Variants in TAP1 observed in about 807,000 individuals in gnomAD.
The protein encoded by TAP1 is transporter 1, ATP binding cassette subfamily B member, also known as antigen peptide transporter 1.
Under a neutral mutation model 79.3 loss-of-function variants are expected in TAP1, and 56 were observed. The ratio of observed to expected loss-of-function variants is 0.71; its 90% CI spans 0.57 to 0.88. The LOEUF (loss-of-function observed/expected upper bound fraction) is 0.88, where lower values mean the gene tolerates loss of function less well. Ranked by LOEUF, TAP1 falls within the 40% of genes least tolerant of loss-of-function variation. The pLI, the probability that TAP1 is intolerant of heterozygous loss-of-function variation, is 0.00. For missense variants in TAP1, 737 were observed against 936.3 expected (o/e 0.79, Z 2.78); for synonymous variants, 355 against 401.4 (o/e 0.88, Z 1.38).
In TAP1 at chr6:32,852,157, CA is replaced by C; in HGVS notation, c.795del (p.Phe265LeufsTer24). 6.2e-7 allele frequency: 1 copy of C among 1,613,022 alleles called. No individual in the cohort carries two copies. The highest frequency in any genetic ancestry group is 8.5e-7 in the Non-Finnish European group (1 of 1,180,018). On this transcript the variant is annotated frameshift_variant, in exon 3 of 11. Transcript: ENST00000354258. LOFTEE classifies it high-confidence loss of function. This position sits in a 1 kb window ranked among gnomAD's most constrained non-coding sequence, Gnocchi z 4.8. Reference sequence around the variant, plus strand: ...TCCGTCTCCTGGCGCAGGACAGCCCCAAACACCTCTCCCTGCAAGTGGCTGT... The same window carrying C: ...TCCGTCTCCTGGCGCAGGACAGCCCCAACACCTCTCCCTGCAAGTGGCTGT... ...HVHSHLQGEV[F>X]GAVLRQETEF...
chr6:32,850,991 G>C lies in TAP1; in HGVS notation c.1003C>G (p.Leu335Val). 1.9e-6 allele frequency: 3 copies of C among 1,612,880 alleles called. No homozygotes were observed. The South Asian group carries it at 3.3e-5, about 18-fold the overall frequency. ...TTGGGCAGAAGGAAAAGCAGAGGCA[G>C]GGTGATCAGGGTGACCATGGTGAGG... ...VSLTMVTLIT[L>V]PLLFLLPKKV... Residue 335 changes from leucine to valine, a missense_variant, in exon 4 of 11, where the codon CTG becomes GTG. Leu to Val is a conservative substitution (Grantham distance 32). This residue lies in a region of TAP1 where 406 missense variants were observed against 477.2 expected (regional missense o/e 0.85). Coordinates refer to ENST00000354258, the MANE Select transcript of TAP1 (RefSeq NM_000593.6). The surrounding 1 kb of genome is among the most constrained non-coding windows in gnomAD (Gnocchi z 5.5).
Position 32,853,523 on chromosome 6 carries a change from G to C in TAP1, c.114C>G (p.Thr38=). Residue 38 remains threonine (T), a synonymous_variant, in exon 1 of 11, where the codon ACC becomes ACG. Transcript: ENST00000354258. This position sits in a 1 kb window ranked among gnomAD's most constrained non-coding sequence, Gnocchi z 8.3. ...GCAGGGAGAATATGCGGGGCAGCGCGGTCCGGAGCAGCACCCAGTCGGCGA... is the reference window on the plus strand; with the variant it reads ...GCAGGGAGAATATGCGGGGCAGCGCCGTCCGGAGCAGCACCCAGTCGGCGA... ...LLLADWVLLR[T]ALPRIFSLLV... is the part of the protein sequence containing the mutation. The C allele has an allele frequency of 1.2e-6, 2 of 1,609,550 alleles. No homozygotes were observed. The highest frequency in any genetic ancestry group is 1.3e-5 in the African/African-American group (1 of 74,948).
chr6:32,846,181 A>G (rs1165194388), intron 10 of TAP1: 4 of 296,030 alleles, frequency 1.4e-5, no homozygotes, highest in Non-Finnish European at 2.6e-5. Flanking sequence ...CAAAAGCTAT[A>G]TGACCTCTAT....
Position 32,845,610 on chromosome 6 carries a change from A to G in TAP1, c.2216T>C (p.Met739Thr). ...TGGAGCATCTGCAGGAGCCTGCACCATGGCCCAGTAGCACCCCTTTTTCTC... is the reference window on the plus strand; with the variant it reads ...TGGAGCATCTGCAGGAGCCTGCACCGTGGCCCAGTAGCACCCCTTTTTCTC... ...LMEKKGCYWA[M>T]VQAPADAPE Residue 739 changes from methionine to threonine, a missense_variant, in exon 11 of 11, where the codon ATG becomes ACG. Coordinates refer to ENST00000354258, the MANE Select transcript of TAP1 (RefSeq NM_000593.6). The surrounding 1 kb of genome is among the most constrained non-coding windows in gnomAD (Gnocchi z 4.5). The G allele has an allele frequency of 1.2e-6, 2 of 1,613,074 alleles. No individual in the cohort carries two copies.
chr6:32,847,820 G>T lies in TAP1; in HGVS notation c.1740+99C>A, dbSNP rs1482282340. 11 of 1,581,950 alleles carry T rather than the reference G, an allele frequency of 7.0e-6. No homozygotes were observed. In the East Asian group the frequency reaches 2.5e-4, roughly 35 times the overall value. On this transcript the variant is annotated intron_variant, in intron 8 of 10. Coordinates refer to ENST00000354258, the MANE Select transcript of TAP1 (RefSeq NM_000593.6). This position sits in a 1 kb window ranked among gnomAD's most constrained non-coding sequence, Gnocchi z 4.7. The stretch of plus-strand genomic sequence containing the variant: ...GACTACACCACCATCTCCACCCAAG[G>T]TCTCTTATCATTCCCTAACCCCTCT...
In TAP1 at chr6:32,851,924, T is replaced by TGTGTGAGAGAGA. The variant is rs1554246364; in HGVS notation, c.844+184_844+185insTCTCTCTCACAC. Among the ~76,000 whole-genome samples, 2,354 of 147,380 alleles carry TGTGTGAGAGAGA rather than the reference T, an allele frequency of 0.016. 32 individuals carry two copies. Among genetic ancestry groups the TGTGTGAGAGAGA allele is most frequent in the Non-Finnish European group, 0.021 (1,377 of 66,830 alleles). ...AAAAACAATTGTGTGTGTGTGTGTG[T>TGTGTGAGAGAGA]GAGAGAGAGAGAGAGAGAGACAGAG... On this transcript the variant is annotated intron_variant, in intron 3 of 10. Transcript: ENST00000354258. This position sits in a 1 kb window ranked among gnomAD's most constrained non-coding sequence, Gnocchi z 4.8.
In TAP1 at chr6:32,845,308, G is replaced by A. The variant is rs116831826; in HGVS notation, c.*271C>T. The A allele has an allele frequency of 1.9e-3, 1,129 of 579,368 alleles. 7 individuals are homozygous for A. Among genetic ancestry groups the A allele is most frequent in the African/African-American group, 0.018 (989 of 53,610 alleles). 35.9% of individuals were successfully genotyped at this position (579,368 alleles called of 1,614,324 possible). On this transcript the variant is annotated 3_prime_UTR_variant, in exon 11 of 11. Transcript: ENST00000354258. This position sits in a 1 kb window ranked among gnomAD's most constrained non-coding sequence, Gnocchi z 4.5. ...GTTGAAAATAGCTGATCATCTTTCC[G>A]TACATTCTGAACATTTCTCAGTTTC...
At position 32,848,011 on chromosome 6, in the gene TAP1, G is replaced by C; in HGVS notation, c.1648C>G (p.Leu550Val). 1.2e-6 allele frequency: 2 copies of C among 1,613,096 alleles called. No individual in the cohort carries two copies. Among genetic ancestry groups the C allele is most frequent in the Non-Finnish European group, 1.7e-6 (2 of 1,180,032 alleles). ...GTGGGCTGGTACAGATTCTGCAGCA[G>C]GGCAGCCACTGTGCTCTTCCCAGAC... ...NGSGKSTVAA[L>V]LQNLYQPTGG... is the part of the protein sequence containing the mutation. The change falls in exon 8 of 11, where the codon CTG (leucine) becomes GTG (valine). Residue 550 changes from leucine to valine, a missense_variant. Physicochemically the swap from Leu to Val is conservative, Grantham distance 32. Around this residue, in one of 5 missense-constraint regions of TAP1, gnomAD observed 266 missense variants for 332.4 expected, o/e 0.80. Transcript: ENST00000354258.
In TAP1 at chr6:32,852,040, G is replaced by A; in HGVS notation, c.844+69C>T. 1.2e-6 allele frequency: 2 copies of A among 1,601,512 alleles called. No homozygotes were observed. Reference sequence around the variant, plus strand: ...GTGAGAGAGAGAGAGCGGGGAGGGGGGAGATCAAAGCAGATGTATGAGGAT... The same window carrying A: ...GTGAGAGAGAGAGAGCGGGGAGGGGAGAGATCAAAGCAGATGTATGAGGAT... On this transcript the variant is annotated intron_variant, in intron 3 of 10. Coordinates refer to ENST00000354258, the MANE Select transcript of TAP1 (RefSeq NM_000593.6). This position sits in a 1 kb window ranked among gnomAD's most constrained non-coding sequence, Gnocchi z 4.8.
Position 32,853,155 on chromosome 6 carries a change from CAGA to C in TAP1, c.479_481del (p.Leu160_Trp161delinsArg), listed in dbSNP as rs757882774. On this transcript the variant is annotated inframe_deletion, in exon 1 of 11. Transcript: ENST00000354258. This position sits in a 1 kb window ranked among gnomAD's most constrained non-coding sequence, Gnocchi z 8.3. ...AGAGCCGCCCTGACCGCCGGGCACC[CAGA>C]GGCTCCCGAGTTTGTGCCACAGGGC... 22 of 1,612,600 alleles carry C rather than the reference CAGA, an allele frequency of 1.4e-5. No individual in the cohort carries two copies. In the South Asian group the frequency reaches 1.5e-4, roughly 11 times the overall value.
In TAP1 at chr6:32,847,836, T is replaced by C; in HGVS notation, c.1740+83A>G. 2 of 1,600,462 alleles carry C rather than the reference T, an allele frequency of 1.2e-6. No homozygotes were observed. The highest frequency in any genetic ancestry group is 1.7e-6 in the Non-Finnish European group (2 of 1,168,816). On this transcript the variant is annotated intron_variant, in intron 8 of 10. Transcript: ENST00000354258. The surrounding 1 kb of genome is among the most constrained non-coding windows in gnomAD (Gnocchi z 4.7). ...CCACCCAAGGTCTCTTATCATTCCC[T>C]AACCCCTCTTTCAGAGTGCTCAGTA... is the stretch of plus-strand genomic sequence containing the variant.
Position 32,852,185 on chromosome 6 carries a change from C to G in TAP1, c.768G>C (p.Val256=). ...DGIYNNTMGH[V]HSHLQGEVFG... ...ACACCTCTCCCTGCAAGTGGCTGTGCACGTGGCCCATGGTGTTGTTATAGA... is the reference window on the plus strand; with the variant it reads ...ACACCTCTCCCTGCAAGTGGCTGTGGACGTGGCCCATGGTGTTGTTATAGA... Residue 256 remains valine (V), a synonymous_variant, in exon 3 of 11, where the codon GTG becomes GTC. Transcript: ENST00000354258. The surrounding 1 kb of genome is among the most constrained non-coding windows in gnomAD (Gnocchi z 4.8). 1 of 1,613,004 alleles carries G rather than the reference C, an allele frequency of 6.2e-7. No individual in the cohort carries two copies. The highest frequency in any genetic ancestry group is 1.1e-5 in the South Asian group (1 of 91,084).
chr6:32,851,511 C>T lies in TAP1; in HGVS notation c.845-362G>A, dbSNP rs1770775387. On this transcript the variant is annotated intron_variant, in intron 3 of 10. Transcript: ENST00000354258. The surrounding 1 kb of genome is among the most constrained non-coding windows in gnomAD (Gnocchi z 4.8). ...GGAGGAGGAGGGTGCTGCTAGGAAG[C>T]ATGCCAAAGTCTGTGGAGCACTCAC... 6.6e-6 allele frequency among the ~76,000 whole-genome samples: 1 copy of T among 152,172 alleles called. No homozygotes were observed. The highest frequency in any genetic ancestry group is 1.5e-5 in the Non-Finnish European group (1 of 68,034).
chr6:32,851,299 C>T lies in TAP1; in HGVS notation c.845-150G>A, dbSNP rs1464585087. On this transcript the variant is annotated intron_variant, in intron 3 of 10. Coordinates refer to ENST00000354258, the MANE Select transcript of TAP1 (RefSeq NM_000593.6). The surrounding 1 kb of genome is among the most constrained non-coding windows in gnomAD (Gnocchi z 4.8). ...AACAAGGTTAGGGTTCTCCAGAGGT[C>T]TGCAAATCTCAGTGCAGGGAAGATG... 1 of 742,136 alleles carries T rather than the reference C, an allele frequency of 1.3e-6. No individual in the cohort carries two copies. The highest frequency in any genetic ancestry group is 2.4e-6 in the Non-Finnish European group (1 of 425,000). The allele number at this position is 742,136 out of a possible 1,614,324, so 46.0% of individuals were successfully genotyped here.
rs1770484778 is a variant in TAP1 at position 32,847,210 on chromosome 6, G to A, written c.1904-6C>T. The A allele has an allele frequency of 1.9e-6, 3 of 1,611,312 alleles. No homozygotes were observed. The highest frequency in any genetic ancestry group is 2.5e-6 in the Non-Finnish European group (3 of 1,180,030). On this transcript the variant is annotated splice_polypyrimidine_tract_variant and splice_region_variant and intron_variant, in intron 9 of 10. Coordinates refer to ENST00000354258, the MANE Select transcript of TAP1 (RefSeq NM_000593.6). This position sits in a 1 kb window ranked among gnomAD's most constrained non-coding sequence, Gnocchi z 4.7. Reference sequence around the variant, plus strand: ...GCTCCCAGCCTCGTCTACCTCTGCAGAGCAAAGGGCCAAGATGAGAACGGT... The same window carrying A: ...GCTCCCAGCCTCGTCTACCTCTGCAAAGCAAAGGGCCAAGATGAGAACGGT...
In TAP1 at chr6:32,849,138, A is replaced by G. The variant is rs1770629605; in HGVS notation, c.1249-20T>C. 4 of 1,566,600 alleles carry G rather than the reference A, an allele frequency of 2.6e-6. No homozygotes were observed. In the East Asian group the frequency reaches 6.9e-5, roughly 27 times the overall value. ...TGAAATCTATAAAGAGACCACAAAA[A>G]AAGGGACTGAGGTAGAGAAATCTGG... On this transcript the variant is annotated intron_variant, in intron 5 of 10. Coordinates refer to ENST00000354258, the MANE Select transcript of TAP1 (RefSeq NM_000593.6).
In TAP1 at chr6:32,847,763, A is replaced by C; in HGVS notation, c.1741-88T>G. On this transcript the variant is annotated intron_variant, in intron 8 of 10. Coordinates refer to ENST00000354258, the MANE Select transcript of TAP1 (RefSeq NM_000593.6). The surrounding 1 kb of genome is among the most constrained non-coding windows in gnomAD (Gnocchi z 4.7). ...TCGAAGACTCAAAATCTTTATTGAG[A>C]ACATGTCACAAAATCATACTACCTC... 1 of 1,573,166 alleles carries C rather than the reference A, an allele frequency of 6.4e-7. No homozygotes were observed. The highest frequency in any genetic ancestry group is 1.1e-5 in the South Asian group (1 of 90,192).
chr6:32,850,835 T>C lies in TAP1; in HGVS notation c.1050+109A>G. On this transcript the variant is annotated intron_variant, in intron 4 of 10. Coordinates refer to ENST00000354258, the MANE Select transcript of TAP1 (RefSeq NM_000593.6). The surrounding 1 kb of genome is among the most constrained non-coding windows in gnomAD (Gnocchi z 5.5). Reference sequence around the variant, plus strand: ...CAGGGTGTTCCATGAAGATGGAGAATCAGTAAGGGTGCCAGGAAAGCTGGA... The same window carrying C: ...CAGGGTGTTCCATGAAGATGGAGAACCAGTAAGGGTGCCAGGAAAGCTGGA... The C allele has an allele frequency of 9.4e-7, 1 of 1,059,500 alleles. No homozygotes were observed. The highest frequency in any genetic ancestry group is 1.5e-6 in the Non-Finnish European group (1 of 680,084). 65.6% of individuals were successfully genotyped at this position (1,059,500 alleles called of 1,614,324 possible).
intron 7 of TAP1, among the ~76,000 whole-genome samples, chr6:32,848,428 C>T (rs750602549): frequency 5.9e-5 from 9 of 152,356 alleles, no homozygotes; most frequent in South Asian, 2.1e-4. Flanking sequence ...TTCCTTGGAA[C>T]GTGAGAGCAC....
Sources: allele counts gnomAD v4.1 joint callset (sites outside exome capture counted in the v4.1 genomes callset), GRCh38; gene constraint gnomAD v4.1.1; regional missense constraint gnomAD v4.1.1; non-coding constraint Gnocchi (gnomAD v3.1); transcripts MANE v1.5; gene names NCBI Gene and HGNC (gene_info 2026-07-23, HGNC 2026-07-21).